The following IFT46 variants were observed in gnomAD, a reference collection of about 807,000 sequenced individuals.
IFT46 encodes the protein intraflagellar transport 46.
Under a neutral mutation model 39.6 loss-of-function variants are expected in IFT46, and 19 were observed. The observed-to-expected ratio is 0.48, with a 90% CI of 0.33 to 0.70. The LOEUF (loss-of-function observed/expected upper bound fraction) is 0.70, where lower values mean the gene tolerates loss of function less well. Among genes scored for constraint, IFT46 ranks in the 30% least tolerant of loss-of-function variants. The probability of loss-of-function intolerance (pLI) is 0.01; values close to 1 mark genes in which losing one functional copy is unlikely to be tolerated. For missense variants in IFT46, 334 were observed against 364.8 expected (o/e 0.92, Z 0.69); for synonymous variants, 117 against 134.8 (o/e 0.87, Z 0.91).
chr11:118,576,431 A>T (rs1489705535), upstream of IFT46, among the ~76,000 whole-genome samples: 55 of 140,602 alleles, frequency 3.9e-4, no homozygotes, highest in African/African-American at 1.4e-3. Context: ...AATGTTAAAA[A>T]AAAAAAAAAA....
chr11:118,573,836 CAA>C (rs1938417572), upstream of IFT46: 3 of 489,760 alleles, frequency 6.1e-6, no homozygotes, highest in South Asian at 9.5e-5. Context: ...GTGTTGGACA[CAA>C]AATTTCCAGA....
At chr11:118,576,715 GCC>G (rs1325970527), upstream of IFT46, among the ~76,000 whole-genome samples, 12 of 152,286 alleles carry the variant, frequency 7.9e-5, no homozygotes, top group South Asian at 1.9e-3. Context: ...TGTGTCAACT[GCC>G]TGGAACCTGT....
At chr11:118,550,761 G>A (rs931704637) in intron 9 of IFT46, among the ~76,000 whole-genome samples, 33 of 152,174 alleles carry the variant, frequency 2.2e-4, no homozygotes, top group African/African-American at 7.7e-4. Context: ...AGGCGCGGTG[G>A]CTCACGCCTA....
intron 9 of IFT46, among the ~76,000 whole-genome samples, chr11:118,549,181 G>A (rs1951763379): frequency 1.3e-5 from 2 of 150,966 alleles, no homozygotes; most frequent in African/African-American, 4.9e-5. Flanking sequence ...TTATAGGTAT[G>A]AGCCACCATG....
chr11:118,573,359 A>G (rs1591377708), upstream of IFT46, among the ~76,000 whole-genome samples: 1 of 152,170 alleles, frequency 6.6e-6, no homozygotes, highest in East Asian at 1.9e-4. Context: ...CTCCGAGACC[A>G]GTTACTTGCC....
In IFT46 at chr11:118,544,612, A is replaced by G. The variant is rs1287901486; in HGVS notation, c.*304T>C. The stretch of plus-strand genomic sequence containing the variant: ...AAACAATTCCATCCCTCTCACAAAA[A>G]GGACATCTTTTAAGCTTTCCTCCCA... On this transcript the variant is annotated 3_prime_UTR_variant, in exon 12 of 12. Transcript: ENST00000264021. 3 of 316,174 alleles carry G rather than the reference A, an allele frequency of 9.5e-6. No homozygotes were observed. Among genetic ancestry groups the G allele is most frequent in the Admixed American group, 4.6e-5 (1 of 21,898 alleles). 19.6% of individuals were successfully genotyped at this position (316,174 alleles called of 1,614,324 possible).
At chr11:118,557,707 C>T (rs1555069781) in intron 3 of IFT46, 1 of 1,612,086 alleles carries the variant, frequency 6.2e-7, no homozygotes, top group Non-Finnish European at 8.5e-7. Flanking sequence ...TCAAGATAAA[C>T]AGCTCTTTTG....
upstream of IFT46, among the ~76,000 whole-genome samples, chr11:118,566,580 CTA>C (rs1555071563): frequency 1.3e-5 from 2 of 152,194 alleles, no homozygotes; most frequent in Non-Finnish European, 2.9e-5. Context: ...GTAGTCCCAG[CTA>C]CTCGAGAGGC....
At chr11:118,575,502 A>G (rs1342694906), upstream of IFT46, among the ~76,000 whole-genome samples, 12 of 151,980 alleles carry the variant, frequency 7.9e-5, no homozygotes, top group African/African-American at 2.9e-4. Context: ...CTCACTGAGT[A>G]AATTACTTTT....
upstream of IFT46, among the ~76,000 whole-genome samples, chr11:118,576,751 G>A (rs115605805): frequency 9.2e-3 from 1,394 of 152,184 alleles, 20 homozygotes; most frequent in African/African-American, 0.032. Flanking sequence ...CTGGGTGTTC[G>A]GAGATTTATG....
In IFT46 at chr11:118,545,429, A is replaced by G. The variant is rs1555066834; in HGVS notation, c.799T>C (p.Ser267Pro). 4 of 1,612,808 alleles carry G rather than the reference A, an allele frequency of 2.5e-6. No homozygotes were observed. The highest frequency in any genetic ancestry group is 8.5e-7 in the Non-Finnish European group (1 of 1,178,962). ...CTCACCTGTGAGTTCTTGAATTCTG[A>G]GTAGAGGGAAAAGAGCAGATGGAGG... ...QSLHLLFSLY[S>P]EFKNSQHFKA... Residue 267 changes from serine (S) to proline (P), a missense_variant, in exon 11 of 12, where the codon TCA (serine) becomes CCA (proline). Transcript: ENST00000264021.
upstream of IFT46, among the ~76,000 whole-genome samples, chr11:118,574,113 C>A (rs966348632): frequency 6.6e-6 from 1 of 152,056 alleles, no homozygotes; most frequent in Non-Finnish European, 1.5e-5. Flanking sequence ...TAAAATATAA[C>A]TTTTGCATGC....
chr11:118,567,662 G>C (rs1555071744), upstream of IFT46, among the ~76,000 whole-genome samples: 1 of 152,176 alleles, frequency 6.6e-6, no homozygotes, highest in African/African-American at 2.4e-5. Flanking sequence ...AACAAGGAAA[G>C]TGCCTTTAAA....
chr11:118,568,769 G>A (rs1346117358), upstream of IFT46, among the ~76,000 whole-genome samples: 1 of 151,216 alleles, frequency 6.6e-6, no homozygotes. Context: ...GGGTTCAAGC[G>A]ATTCTCCCAC....
intron 9 of IFT46, chr11:118,547,359 T>C (rs1951710581): frequency 6.6e-6 from 1 of 152,234 alleles, no homozygotes; most frequent in Admixed American, 6.5e-5. Flanking sequence ...AGTTTAAACA[T>C]GATGGCTAGG....
intron 2 of IFT46, among the ~76,000 whole-genome samples, chr11:118,563,878 C>A (rs541628397): frequency 2.0e-5 from 3 of 152,154 alleles, no homozygotes; most frequent in Non-Finnish European, 4.4e-5. Flanking sequence ...ACATGTCACC[C>A]CTTTAGGTCT....
upstream of IFT46, chr11:118,573,598 T>C (rs1397297687): frequency 8.7e-6 from 6 of 688,518 alleles, no homozygotes; most frequent in African/African-American, 5.3e-5. Context: ...TGTTCTGTTC[T>C]TTTTTATTCT....
In IFT46 at chr11:118,557,062, C is replaced by A. The variant is rs372664836; in HGVS notation, c.46-17G>T. ...CTTCTTCTCCTGTGATAGGGCAGGG[C>A]AGGCATAGAAAGCTTCAAGTAAAAA... On this transcript the variant is annotated splice_polypyrimidine_tract_variant and intron_variant, in intron 3 of 11. Transcript: ENST00000264021. The A allele has an allele frequency of 4.8e-5, 75 of 1,575,566 alleles. No individual in the cohort carries two copies. In the African/African-American group the frequency reaches 8.6e-4, roughly 18 times the overall value.
intron 3 of IFT46, 107 bp downstream of exon 3, chr11:118,559,678 C>G (rs1937965882): frequency 2.1e-5 from 18 of 859,848 alleles, no homozygotes; most frequent in Non-Finnish European, 3.6e-5. Flanking sequence ...GGTCCCTAAC[C>G]CCTGGAGGTG....
Sources: allele counts gnomAD v4.1 joint callset (sites outside exome capture counted in the v4.1 genomes callset), GRCh38; gene constraint gnomAD v4.1.1; transcripts MANE v1.5; gene names NCBI Gene and HGNC (gene_info 2026-07-23, HGNC 2026-07-21).